THSD4: variants seen among roughly 807,000 people sequenced by gnomAD.
THSD4 encodes thrombospondin type-1 domain-containing protein 4.
Under a neutral mutation model 119.0 loss-of-function variants are expected in THSD4, and 69 were observed. That is an observed-to-expected ratio of 0.58 (90% CI 0.48 to 0.71). The LOEUF (loss-of-function observed/expected upper bound fraction) is 0.71. Ranked by LOEUF, THSD4 falls within the 30% of genes least tolerant of loss-of-function variation. The pLI is 0.00. For missense variants in THSD4, 1,393 were observed against 1,391.1 expected (o/e 1.00, Z -0.02); for synonymous variants, 524 against 540.4 (o/e 0.97, Z 0.42).
intron 6 of THSD4, among the ~76,000 whole-genome samples, chr15:71,298,773 C>T (rs778619811): frequency 1.3e-5 from 2 of 152,140 alleles, no homozygotes; most frequent in Admixed American, 6.6e-5. Context: ...CCGCCACACC[C>T]GGCTAATTTT....
chr15:71,628,274 G>A (rs1307166191), intron 7 of THSD4, among the ~76,000 whole-genome samples: 1 of 152,026 alleles, frequency 6.6e-6, no homozygotes, highest in Non-Finnish European at 1.5e-5. Flanking sequence ...TTAACAAGGG[G>A]GTAAAAAAGG....
At chr15:71,211,294 T>TA (rs1409248404) in intron 3 of THSD4, among the ~76,000 whole-genome samples, 2 of 152,210 alleles carry the variant, frequency 1.3e-5, no homozygotes, top group Non-Finnish European at 2.9e-5. Context: ...ACTGGGTGCT[T>TA]AAGCAACAGG....
Position 71,731,230 on chromosome 15 carries a change from G to A in THSD4, c.1630+13G>A. The A allele has an allele frequency of 6.2e-7, 1 of 1,613,058 alleles. No homozygotes were observed. Among genetic ancestry groups the A allele is most frequent in the Non-Finnish European group, 8.5e-7 (1 of 1,179,026 alleles). Reference sequence around the variant, plus strand: ...CACAGGAGACCAGGTAGAATCCCTTGTCTTGTGGCCGGGGACTCTGGTCAT... The same window carrying A: ...CACAGGAGACCAGGTAGAATCCCTTATCTTGTGGCCGGGGACTCTGGTCAT... On this transcript the variant is annotated intron_variant, in intron 10 of 17. Transcript: ENST00000261862.
At chr15:71,252,893 C>CATCAGT (rs897402018) in intron 5 of THSD4, among the ~76,000 whole-genome samples, 2 of 152,140 alleles carry the variant, frequency 1.3e-5, no homozygotes, top group Non-Finnish European at 2.9e-5. Flanking sequence ...TCATCATCAT[C>CATCAGT]ATCAGTCCAG....
chr15:71,125,314 C>T (rs1176793014), intron 1 of THSD4, among the ~76,000 whole-genome samples: 1 of 151,958 alleles, frequency 6.6e-6, no homozygotes, highest in Admixed American at 6.5e-5. Context: ...AAAAGGCAGG[C>T]GAGAGCATAG....
chr15:71,664,026 A>T (rs1461737196), intron 8 of THSD4, among the ~76,000 whole-genome samples: 1 of 151,692 alleles, frequency 6.6e-6, no homozygotes, highest in Non-Finnish European at 1.5e-5. Context: ...TCTGTCGCCC[A>T]GGCTGGAGTG....
At chr15:71,755,884 G>T (rs1281247344) in intron 14 of THSD4, among the ~76,000 whole-genome samples, 1 of 152,134 alleles carries the variant, frequency 6.6e-6, no homozygotes, top group East Asian at 1.9e-4. Flanking sequence ...AGCCTTAAAG[G>T]CTTCTGATCT....
chr15:71,561,298 T>C (rs1321136605), intron 7 of THSD4, among the ~76,000 whole-genome samples: 1 of 152,150 alleles, frequency 6.6e-6, no homozygotes, highest in African/African-American at 2.4e-5. Flanking sequence ...AATGGGAGGA[T>C]CATGTCAATA....
upstream of THSD4, chr15:71,111,117 A>G (rs1368394430): frequency 6.3e-7 from 1 of 1,577,776 alleles, no homozygotes; most frequent in Admixed American, 1.8e-5. Flanking sequence ...CTGGGATTCC[A>G]AAAGTTGTCT....
intron 1 of THSD4, among the ~76,000 whole-genome samples, chr15:71,135,734 A>G (rs1397908548): frequency 1.3e-5 from 2 of 152,134 alleles, no homozygotes; most frequent in African/African-American, 2.4e-5. Context: ...GAGTTTTCTC[A>G]GATGGGGGTG....
chr15:71,710,278 A>G (rs2052483483), intron 8 of THSD4, among the ~76,000 whole-genome samples: 1 of 152,218 alleles, frequency 6.6e-6, no homozygotes, highest in Admixed American at 6.5e-5. Flanking sequence ...AAATCTGGAA[A>G]CTTAATGAAA....
intron 1 of THSD4, among the ~76,000 whole-genome samples, chr15:71,106,322 C>T (rs2141341515): frequency 6.6e-6 from 1 of 152,288 alleles, no homozygotes; most frequent in South Asian, 2.1e-4. Flanking sequence ...CCCACCATTC[C>T]TGAGTATTCT....
intron 6 of THSD4, among the ~76,000 whole-genome samples, chr15:71,410,183 A>G (rs2046666758): frequency 6.6e-6 from 1 of 152,176 alleles, no homozygotes; most frequent in Admixed American, 6.6e-5. Flanking sequence ...TCATTTATCC[A>G]TCCCTTGTTT....
At chr15:71,411,483 A>T (rs926334079) in intron 6 of THSD4, among the ~76,000 whole-genome samples, 1 of 152,180 alleles carries the variant, frequency 6.6e-6, no homozygotes, top group Admixed American at 6.5e-5. Context: ...ATGTTCTGGA[A>T]TTATATAATG....
At chr15:71,571,725 A>G (rs116781415) in intron 7 of THSD4, among the ~76,000 whole-genome samples, 2,417 of 149,070 alleles carry the variant, frequency 0.016, 67 homozygotes, top group African/African-American at 0.055. Context: ...ATTAGAATCT[A>G]TAGGAAGTCT....
rs185412066 is a variant in THSD4 at position 71,214,877 on chromosome 15, C to T, written c.100-158C>T. On this transcript the variant is annotated intron_variant, in intron 3 of 17. Transcript: ENST00000261862. ...TGCCTTCGCGGGGCCCTCTTTCCTC[C>T]AAAAACCGACTCTAAGCCAGGCTGG... is the stretch of plus-strand genomic sequence containing the variant. Among the ~76,000 whole-genome samples the T allele has an allele frequency of 1.6e-3, 244 of 148,646 alleles. 1 individual carries two copies. The highest frequency in any genetic ancestry group is 5.8e-3 in the African/African-American group (239 of 40,892).
chr15:71,514,919 C>T (rs1228528367), intron 7 of THSD4, among the ~76,000 whole-genome samples: 1 of 152,122 alleles, frequency 6.6e-6, no homozygotes, highest in Non-Finnish European at 1.5e-5. Context: ...TTTAACCAAA[C>T]CTCTGCTACT....
intron 6 of THSD4, among the ~76,000 whole-genome samples, chr15:71,326,484 C>T (rs1390394488): frequency 6.7e-6 from 1 of 150,092 alleles, no homozygotes; most frequent in Non-Finnish European, 1.5e-5. Context: ...TGAGAACAGC[C>T]TGGCCAACAC....
chr15:71,253,806 A>G (rs2044285243), intron 5 of THSD4, among the ~76,000 whole-genome samples: 1 of 152,230 alleles, frequency 6.6e-6, no homozygotes. Context: ...AAACATCTAT[A>G]ACATCACCTT....
Sources: allele counts gnomAD v4.1 joint callset (sites outside exome capture counted in the v4.1 genomes callset), GRCh38; gene constraint gnomAD v4.1.1; transcripts MANE v1.5; gene names NCBI Gene and HGNC (gene_info 2026-07-23, HGNC 2026-07-21).